EPM2A: variants seen among roughly 807,000 people sequenced by gnomAD.
The protein encoded by EPM2A is EPM2A glucan phosphatase, laforin.
A neutral mutation model predicts 26.5 loss-of-function variants in EPM2A; 21 were observed. That is an observed-to-expected ratio of 0.79 (90% CI 0.56 to 1.14). EPM2A has a LOEUF of 1.14. EPM2A is among the 50% of genes most tolerant of loss of function. The pLI, the probability that EPM2A is intolerant of heterozygous loss-of-function variation, is 0.00. For synonymous variants in EPM2A, 217 were observed against 177.6 expected (o/e 1.22, Z -1.76); for missense variants, 458 against 440.8 (o/e 1.04, Z -0.35).
At chr6:145,693,249 CAT>C (rs1467224898) in intron 1 of EPM2A, among the ~76,000 whole-genome samples, 2 of 151,828 alleles carry the variant, frequency 1.3e-5, no homozygotes, top group African/African-American at 2.4e-5. Context: ...CTATGATTTT[CAT>C]ATGTTGATTT....
intron 4 of EPM2A, among the ~76,000 whole-genome samples, chr6:145,453,575 G>C (rs753117963): frequency 3.9e-5 from 6 of 152,078 alleles, no homozygotes; most frequent in Non-Finnish European, 7.4e-5. Flanking sequence ...TTGTATTGCA[G>C]CTGTGCAAAG....
At chr6:145,715,032 G>T (rs575775892) in intron 1 of EPM2A, among the ~76,000 whole-genome samples, 79 of 152,326 alleles carry the variant, frequency 5.2e-4, no homozygotes, top group Non-Finnish European at 7.6e-4. Context: ...AGCACCTCCT[G>T]CCACTGCTCA....
chr6:145,521,273 C>T (rs1343594351), intron 2 of EPM2A, among the ~76,000 whole-genome samples: 1 of 151,806 alleles, frequency 6.6e-6, no homozygotes, highest in African/African-American at 2.4e-5. Context: ...AGTTCATCTC[C>T]TGAGAATGGG....
At chr6:145,584,813 A>C (rs914226150) in intron 2 of EPM2A, among the ~76,000 whole-genome samples, 2 of 152,006 alleles carry the variant, frequency 1.3e-5, no homozygotes, top group African/African-American at 2.4e-5. Flanking sequence ...ATCCATTCTC[A>C]ATGCCTTCCC....
chr6:145,458,975 ATGTACAT>A (rs1779296179), intron 4 of EPM2A, among the ~76,000 whole-genome samples: 1 of 152,160 alleles, frequency 6.6e-6, no homozygotes, highest in African/African-American at 2.4e-5. Context: ...GCAGTCACCT[ATGTACAT>A]TGTAGGTAAA....
At chr6:145,695,398 A>T (rs1371672836) in intron 1 of EPM2A, among the ~76,000 whole-genome samples, 1 of 152,058 alleles carries the variant, frequency 6.6e-6, no homozygotes, top group Non-Finnish European at 1.5e-5. Context: ...TACACAGAAC[A>T]ACCAGAAAAC....
chr6:145,662,119 G>A (rs563322962), intron 2 of EPM2A, among the ~76,000 whole-genome samples: 1 of 152,130 alleles, frequency 6.6e-6, no homozygotes, highest in African/African-American at 2.4e-5. Flanking sequence ...ATGAAAACTG[G>A]TCAAGTCCAG....
chr6:145,506,702 T>A lies in EPM2A; in HGVS notation c.341-4127A>T, dbSNP rs180737768. 3.3e-5 allele frequency among the ~76,000 whole-genome samples: 5 copies of A among 152,252 alleles called. No individual in the cohort carries two copies. The East Asian group carries it at 5.8e-4, about 18-fold the overall frequency. ...CCTGTAAGCAGAGGTTGTATCTGGG[T>A]CATACAAATACTGTGCTGGCAGTGA... is the stretch of plus-strand genomic sequence containing the variant. On this transcript the variant is annotated intron_variant, in intron 2 of 3. Coordinates refer to the EPM2A transcript ENST00000450221.
At chr6:145,572,801 C>A (rs1287373651) in intron 2 of EPM2A, among the ~76,000 whole-genome samples, 1 of 152,190 alleles carries the variant, frequency 6.6e-6, no homozygotes, top group African/African-American at 2.4e-5. Flanking sequence ...CCTGGACCTG[C>A]TGCAGAACTT....
chr6:145,416,967 G>GTT (rs1207093269), intron 4 of EPM2A, among the ~76,000 whole-genome samples: 1 of 152,064 alleles, frequency 6.6e-6, no homozygotes, highest in African/African-American at 2.4e-5. Flanking sequence ...TCTACAGGAT[G>GTT]TTTAGGGGAG....
At chr6:145,733,294 T>G (rs9390349) in intron 1 of EPM2A, among the ~76,000 whole-genome samples, 80,627 of 151,356 alleles carry the variant, frequency 0.53, 22,057 homozygotes, top group East Asian at 0.67. Flanking sequence ...TCAAAAAAAC[T>G]GAAAATAATA....
upstream of EPM2A, chr6:145,735,855 C>G (rs996620130): frequency 6.5e-6 from 1 of 154,294 alleles, no homozygotes; most frequent in African/African-American, 2.4e-5. Context: ...GTCCAGTTCT[C>G]TCTCCAAGAG....
At position 145,655,998 on chromosome 6, in the gene EPM2A, AC is replaced by A. The variant is rs555917696; in HGVS notation, c.477-20513del. 2.0e-5 allele frequency among the ~76,000 whole-genome samples: 3 copies of A among 152,316 alleles called. No individual in the cohort carries two copies. The South Asian group carries it at 6.2e-4, about 32-fold the overall frequency. On this transcript the variant is annotated intron_variant, in intron 2 of 3. Transcript: ENST00000367519. Reference sequence around the variant, plus strand: ...AATGCAATCCAAAGATTCATCTAAGACCTATTTTTTCTGCAAGATTTGAAAC... The same window carrying A: ...AATGCAATCCAAAGATTCATCTAAGACTATTTTTTCTGCAAGATTTGAAAC...
At chr6:145,435,625 C>T (rs1778980205) in intron 4 of EPM2A, among the ~76,000 whole-genome samples, 1 of 150,926 alleles carries the variant, frequency 6.6e-6, no homozygotes, top group Admixed American at 6.6e-5. Flanking sequence ...GGTACCTGTG[C>T]TTTTTAAATA....
intron 2 of EPM2A, among the ~76,000 whole-genome samples, chr6:145,510,041 G>A (rs191611333): frequency 8.9e-4 from 135 of 151,860 alleles, no homozygotes; most frequent in African/African-American, 3.0e-3. Context: ...TTTCACTGTC[G>A]TAAATATATG....
At chr6:145,557,098 G>T (rs1275019883) in intron 2 of EPM2A, among the ~76,000 whole-genome samples, 2 of 152,062 alleles carry the variant, frequency 1.3e-5, no homozygotes, top group African/African-American at 4.8e-5. Context: ...ACACACAAAA[G>T]ATCTCTAAAT....
chr6:145,448,947 C>T (rs1219459383), intron 4 of EPM2A, among the ~76,000 whole-genome samples: 1 of 152,154 alleles, frequency 6.6e-6, no homozygotes, highest in African/African-American at 2.4e-5. Flanking sequence ...AAACCATGGG[C>T]CTCAGCTAAA....
chr6:145,421,829 A>C (rs1204688558), intron 4 of EPM2A, among the ~76,000 whole-genome samples: 1 of 151,568 alleles, frequency 6.6e-6, no homozygotes, highest in East Asian at 1.9e-4. Context: ...CAGCTGAAAA[A>C]TAGTAAACCA....
Position 145,533,548 on chromosome 6 carries a change from C to A in EPM2A, c.341-30973G>T, listed in dbSNP as rs77616922. 4.9e-3 allele frequency among the ~76,000 whole-genome samples: 740 copies of A among 152,296 alleles called. 32 individuals are homozygous for A. The East Asian group carries it at 0.11, about 23-fold the overall frequency. On this transcript the variant is annotated intron_variant, in intron 2 of 3. Transcript: ENST00000450221. ...CCTACTTCTCTGCCTCCATCCCCTACCCCATGCTCCAGACACAAAGTGTGT... is the reference window on the plus strand; with the variant it reads ...CCTACTTCTCTGCCTCCATCCCCTAACCCATGCTCCAGACACAAAGTGTGT...
Sources: gnomAD v4.1 joint callset for allele counts (sites outside exome capture counted in the v4.1 genomes callset) on GRCh38, gnomAD v4.1.1 for gene constraint, MANE v1.5 for transcripts, NCBI Gene and HGNC (gene_info 2026-07-23, HGNC 2026-07-21) for gene names.